RASA2: variants seen among roughly 807,000 people sequenced by gnomAD.
RASA2 encodes ras GTPase-activating protein 2.
Under a neutral mutation model 118.2 loss-of-function variants are expected in RASA2, and 155 were observed. The observed-to-expected ratio is 1.31, with a 90% CI of 1.15 to 1.50. The LOEUF is 1.50. RASA2 is among the 40% of genes most tolerant of loss of function. RASA2 has a pLI of 0.00. For synonymous variants in RASA2, 353 were observed against 349.1 expected (o/e 1.01, Z -0.12); for missense variants, 1,016 against 1,009.6 (o/e 1.01, Z -0.09).
intron 4 of RASA2, among the ~76,000 whole-genome samples, chr3:141,531,841 C>T (rs1392446897): frequency 1.3e-5 from 2 of 151,886 alleles, no homozygotes; most frequent in East Asian, 3.9e-4. Flanking sequence ...GTTGTTGTCC[C>T]ACTGCTGATA....
chr3:141,572,059 TATAC>T (rs1260397632), intron 11 of RASA2, among the ~76,000 whole-genome samples: 32 of 121,952 alleles, frequency 2.6e-4, no homozygotes, highest in African/African-American at 4.9e-4. Flanking sequence ...TATATATATA[TATAC>T]ACACACACAC....
chr3:141,551,680 T>C (rs1016128973), intron 5 of RASA2, among the ~76,000 whole-genome samples: 17 of 152,140 alleles, frequency 1.1e-4, no homozygotes, highest in African/African-American at 3.9e-4. Flanking sequence ...TTCAATTCGT[T>C]TTGGGTGGAG....
intron 1 of RASA2, among the ~76,000 whole-genome samples, chr3:141,490,937 C>G (rs1467980416): frequency 3.3e-5 from 5 of 152,178 alleles, no homozygotes; most frequent in Non-Finnish European, 1.5e-5. Flanking sequence ...TTTCTCACTC[C>G]CCAGGATCTG....
intron 2 of RASA2, among the ~76,000 whole-genome samples, chr3:141,512,831 C>G (rs555419027): frequency 6.6e-6 from 1 of 151,964 alleles, no homozygotes. Context: ...GGGAGGCAGA[C>G]GCGGGCAGAT....
At chr3:141,537,661 C>A (rs991938585) in intron 4 of RASA2, among the ~76,000 whole-genome samples, 7 of 151,942 alleles carry the variant, frequency 4.6e-5, no homozygotes, top group Admixed American at 4.6e-4. Context: ...CCCAGCTACT[C>A]GGGAGGCTGA....
chr3:141,550,559 A>G (rs1243241137), intron 5 of RASA2, among the ~76,000 whole-genome samples: 2 of 152,262 alleles, frequency 1.3e-5, no homozygotes, highest in African/African-American at 2.4e-5. Flanking sequence ...AAACGTTAAC[A>G]TTTGTTGATG....
intron 4 of RASA2, among the ~76,000 whole-genome samples, chr3:141,539,062 C>G (rs13095168): frequency 0.25 from 38,453 of 151,960 alleles, 5,455 homozygotes; most frequent in Non-Finnish European, 0.32. Context: ...TGGCTTGGCT[C>G]CCTTGCTAGC....
chr3:141,501,170 A>C (rs1049465001), intron 1 of RASA2, among the ~76,000 whole-genome samples: 5 of 152,216 alleles, frequency 3.3e-5, no homozygotes, highest in African/African-American at 1.2e-4. Context: ...AGCCAACCTC[A>C]GATTTGTATC....
chr3:141,609,960 A>G lies in RASA2; in HGVS notation c.2413A>G (p.Thr805Ala). The change falls in exon 23 of 24, where the codon ACA (threonine) becomes GCA (alanine). Residue 805 changes from threonine (T) to alanine (A), a missense_variant. This residue lies in a region of RASA2 where 120 missense variants were observed against 173.2 expected (regional missense o/e 0.69). Transcript: ENST00000286364. Reference protein sequence around the residue: ...YSNFVIEDSVTTFKTIQQIKS... With the variant: ...YSNFVIEDSVATFKTIQQIKS... ...TAACTTTGTAATCGAGGATTCTGTA[A>G]CAACCTTTAAGACAATTCAGCAAAT... The G allele has an allele frequency of 6.2e-7, 1 of 1,607,552 alleles. No homozygotes were observed. The highest frequency in any genetic ancestry group is 1.3e-5 in the African/African-American group (1 of 74,714).
intron 21 of RASA2, 75 bp downstream of exon 21, chr3:141,608,772 A>C: frequency 1.4e-6 from 2 of 1,435,980 alleles, no homozygotes; most frequent in Non-Finnish European, 1.9e-6. Context: ...TTATTTGTCC[A>C]TGAAAAGGAA....
intron 5 of RASA2, 123 bp from the exon 6 acceptor site, chr3:141,553,734 A>G: frequency 6.9e-7 from 1 of 1,459,632 alleles, no homozygotes; most frequent in Non-Finnish European, 9.1e-7. Flanking sequence ...ATATAGCCAT[A>G]CAACTGCAGA....
chr3:141,568,591 A>T (rs2082862830), intron 9 of RASA2, among the ~76,000 whole-genome samples: 1 of 152,036 alleles, frequency 6.6e-6, no homozygotes. Flanking sequence ...ATGCATCGTT[A>T]TCTATTTGTC....
intron 19 of RASA2, among the ~76,000 whole-genome samples, chr3:141,592,182 G>T (rs1411759886): frequency 6.6e-5 from 10 of 152,102 alleles, no homozygotes; most frequent in Non-Finnish European, 1.5e-4. Flanking sequence ...ATATTAAAAG[G>T]TCTAACCAGG....
intron 19 of RASA2, among the ~76,000 whole-genome samples, chr3:141,593,069 T>C (rs1206080684): frequency 6.6e-6 from 1 of 152,110 alleles, no homozygotes; most frequent in Non-Finnish European, 1.5e-5. Context: ...TTGATTGAGA[T>C]GGAGTTTCAC....
intron 19 of RASA2, among the ~76,000 whole-genome samples, chr3:141,599,267 A>G (rs2083425838): frequency 1.4e-5 from 2 of 140,356 alleles, no homozygotes; most frequent in Admixed American, 7.1e-5. Context: ...TTTGGTTTAT[A>G]AAGTGTAATT....
chr3:141,572,631 G>A lies in RASA2; in HGVS notation c.1192G>A (p.Gly398Arg), dbSNP rs1477924901. The A allele has an allele frequency of 6.2e-7, 1 of 1,613,200 alleles. No individual in the cohort carries two copies. The highest frequency in any genetic ancestry group is 8.5e-7 in the Non-Finnish European group (1 of 1,179,538). ...DTQDANTIFR[G>R]NSLATRCLDE... ...CAGAGATGCAAACACAATTTTTAGA[G>A]GAAATTCCCTGGCTACCCGATGTCT... is the stretch of plus-strand genomic sequence containing the variant. Residue 398 changes from glycine (G) to arginine (R), a missense_variant, in exon 12 of 24, where the codon GGA (glycine) becomes AGA (arginine). Around this residue, in one of 2 missense-constraint regions of RASA2, gnomAD observed 896 missense variants for 836.4 expected, o/e 1.07. Coordinates refer to ENST00000286364, the MANE Select transcript of RASA2 (RefSeq NM_006506.5).
At position 141,571,030 on chromosome 3, in the gene RASA2, C is replaced by T; in HGVS notation, c.982C>T (p.Pro328Ser). ...DYVLPSEYYG[P>S]LKTLLLKSPD... ...CGTGCTTCCTTCAGAGTACTATGGT[C>T]CTTTGAAAACTTTGCTGCTAAAATC... Residue 328 changes from proline (P) to serine (S), a missense_variant, in exon 10 of 24, where the codon CCT becomes TCT. By Grantham distance (74) the Pro-to-Ser change is moderately conservative. Coordinates refer to ENST00000286364, the MANE Select transcript of RASA2 (RefSeq NM_006506.5). 1 of 1,603,614 alleles carries T rather than the reference C, an allele frequency of 6.2e-7. No individual in the cohort carries two copies. Among genetic ancestry groups the T allele is most frequent in the Non-Finnish European group, 8.5e-7 (1 of 1,177,174 alleles).
chr3:141,500,509 T>C (rs1377967145), intron 1 of RASA2, among the ~76,000 whole-genome samples: 1 of 152,232 alleles, frequency 6.6e-6, no homozygotes, highest in Admixed American at 6.5e-5. Context: ...ACTTAACCTC[T>C]CTGAGCCTCA....
At chr3:141,559,436 A>T (rs2082697687) in intron 8 of RASA2, among the ~76,000 whole-genome samples, 6 of 151,996 alleles carry the variant, frequency 3.9e-5, no homozygotes, top group Admixed American at 3.9e-4. Context: ...GCGAAGGAAA[A>T]ATCTTATAAA....
Sources: allele counts gnomAD v4.1 joint callset (sites outside exome capture counted in the v4.1 genomes callset), GRCh38; gene constraint gnomAD v4.1.1; regional missense constraint gnomAD v4.1.1; transcripts MANE v1.5; gene names NCBI Gene and HGNC (gene_info 2026-07-23, HGNC 2026-07-21).